The following CLDN14 variants were observed in gnomAD, a reference collection of about 807,000 sequenced individuals.
CLDN14 encodes claudin-14.
CLDN14 carries 2 observed loss-of-function variants against 2.1 expected under a neutral mutation model. That is an observed-to-expected ratio of 0.96 (90% CI 0.39 to 3.01). The LOEUF (loss-of-function observed/expected upper bound fraction) is 3.01. CLDN14 is among the 30% of genes most tolerant of loss of function. The pLI, the probability that CLDN14 is intolerant of heterozygous loss-of-function variation, is 0.09. For synonymous variants in CLDN14, 136 were observed against 154.4 expected, an observed-to-expected ratio of 0.88 and a Z score of 0.88; for missense variants, 298 against 328.0, an observed-to-expected ratio of 0.91 and a Z score of 0.71.
intron 2 of CLDN14, among the ~76,000 whole-genome samples, chr21:36,504,877 G>A (rs888598948): frequency 6.6e-6 from 1 of 152,212 alleles, no homozygotes; most frequent in African/African-American, 2.4e-5. Context: ...ACTGCTCCCA[G>A]AGATAGGAAA....
intron 1 of CLDN14, among the ~76,000 whole-genome samples, chr21:36,567,042 T>A (rs1316863907): frequency 3.3e-5 from 5 of 152,212 alleles, no homozygotes; most frequent in African/African-American, 4.8e-5. Context: ...CCAGGGCATA[T>A]CTTCATCCCA....
At chr21:36,533,525 G>T (rs2087398444) in intron 1 of CLDN14, among the ~76,000 whole-genome samples, 1 of 152,184 alleles carries the variant, frequency 6.6e-6, no homozygotes, top group African/African-American at 2.4e-5. Flanking sequence ...TTAAAATGGT[G>T]ATTACGTAGA....
intron 1 of CLDN14, among the ~76,000 whole-genome samples, chr21:36,545,219 A>G (rs1446877423): frequency 6.6e-6 from 1 of 152,214 alleles, no homozygotes. Context: ...TTTAAGAAAC[A>G]CAAATTCAAA....
intron 1 of CLDN14, among the ~76,000 whole-genome samples, chr21:36,513,813 T>C (rs1378595258): frequency 2.0e-5 from 3 of 152,130 alleles, no homozygotes; most frequent in Non-Finnish European, 4.4e-5. Context: ...CCTGGGATAA[T>C]TGATACGAGT....
chr21:36,570,979 T>C (rs1369036693), intron 1 of CLDN14, among the ~76,000 whole-genome samples: 1 of 152,192 alleles, frequency 6.6e-6, no homozygotes, highest in Non-Finnish European at 1.5e-5. Flanking sequence ...GTAGCTGGGA[T>C]TACAGGCACT....
At chr21:36,573,226 G>A (rs894622403) in intron 1 of CLDN14, among the ~76,000 whole-genome samples, 37 of 151,770 alleles carry the variant, frequency 2.4e-4, no homozygotes, top group African/African-American at 7.5e-4. Context: ...GTGTGAACCC[G>A]GGAGGCGGAG....
At chr21:36,487,423 C>A in intron 2 of CLDN14, 1 of 162,732 alleles carries the variant, frequency 6.1e-6, no homozygotes. Context: ...CTGCCACCCT[C>A]CTCCCTCCCA....
intron 2 of CLDN14, among the ~76,000 whole-genome samples, chr21:36,493,392 A>G (rs971799002): frequency 2.0e-5 from 3 of 152,150 alleles, no homozygotes; most frequent in African/African-American, 7.2e-5. Context: ...TTCTAGTAAC[A>G]TAGGTTTTTA....
rs2087062198 is a variant in CLDN14, at chr21:36,498,645, C to A, written c.-82+11718G>T. Among the ~76,000 whole-genome samples the A allele has an allele frequency of 6.6e-6, 1 of 152,194 alleles. No individual in the cohort carries two copies. The highest frequency in any genetic ancestry group is 1.5e-5 in the Non-Finnish European group (1 of 68,034). Reference sequence around the variant, plus strand: ...GTAGGACCGATGGCTAAGCTCTCTTCCCCTCCACCCTGGAAAAAATGAACA... The same window carrying A: ...GTAGGACCGATGGCTAAGCTCTCTTACCCTCCACCCTGGAAAAAATGAACA... On this transcript the variant is annotated intron_variant, in intron 2 of 2. Coordinates refer to the CLDN14 transcript ENST00000342108. This position sits in a 1 kb window ranked among gnomAD's most constrained non-coding sequence, Gnocchi z 4.9.
intron 2 of CLDN14, among the ~76,000 whole-genome samples, chr21:36,495,592 C>G (rs1050944585): frequency 3.3e-5 from 5 of 152,230 alleles, no homozygotes; most frequent in Non-Finnish European, 5.9e-5. Flanking sequence ...AATGCAGATG[C>G]TGATGTTTAC....
At chr21:36,482,802 C>A (rs2146451967), upstream of CLDN14, among the ~76,000 whole-genome samples, 1 of 152,286 alleles carries the variant, frequency 6.6e-6, no homozygotes, top group Admixed American at 6.5e-5. Context: ...CCATGAAAAC[C>A]TTGGTGCTAG....
intron 1 of CLDN14, among the ~76,000 whole-genome samples, chr21:36,574,416 A>C (rs1219115702): frequency 1.3e-5 from 2 of 152,248 alleles, no homozygotes; most frequent in East Asian, 3.8e-4. Flanking sequence ...AACACAGATG[A>C]ATCTCAAATA....
chr21:36,544,028 G>T lies in CLDN14; in HGVS notation c.-220+32383C>A. The stretch of plus-strand genomic sequence containing the variant: ...GGAAGCCTGTGTCATGGATTCAACC[G>T]TCTGTGCTGAGCCGCACCTGCACTG... On this transcript the variant is annotated intron_variant, in intron 1 of 2. Coordinates refer to the CLDN14 transcript ENST00000342108. The surrounding 1 kb of genome is among the most constrained non-coding windows in gnomAD (Gnocchi z 4.1). Among the ~76,000 whole-genome samples the T allele has an allele frequency of 6.6e-6, 1 of 152,324 alleles. No individual in the cohort carries two copies. Among genetic ancestry groups the T allele is most frequent in the African/African-American group, 2.4e-5 (1 of 41,570 alleles).
At chr21:36,496,871 A>G (rs1223132973) in intron 2 of CLDN14, among the ~76,000 whole-genome samples, 1 of 7,946 alleles carries the variant, frequency 1.3e-4, no homozygotes, top group African/African-American at 7.3e-4. Context: ...GGAAGGGAGG[A>G]AGGGAGGGAG....
intron 1 of CLDN14, among the ~76,000 whole-genome samples, chr21:36,475,294 G>A (rs1330182043): frequency 1.3e-5 from 2 of 152,220 alleles, no homozygotes; most frequent in African/African-American, 4.8e-5. Context: ...ATGGCGGGCC[G>A]TGGCGTCAAA....
intron 1 of CLDN14, among the ~76,000 whole-genome samples, chr21:36,552,411 C>A (rs544998675): frequency 2.0e-5 from 3 of 152,124 alleles, no homozygotes; most frequent in Non-Finnish European, 4.4e-5. Flanking sequence ...CCATGTTGAG[C>A]GGGCACACTT....
In CLDN14 at chr21:36,531,686, TTGTC is replaced by T. The variant is rs1219161636; in HGVS notation, c.-219-21190_-219-21187del. Among the ~76,000 whole-genome samples the T allele has an allele frequency of 6.6e-5, 10 of 151,018 alleles. No individual in the cohort carries two copies. In the Middle Eastern group the frequency reaches 0.01, roughly 155 times the overall value. ...GGAGTGTCAGAGTGGACTTCAGTCT[TTGTC>T]TGTTTTTTTTTTTTTTTTAACTAAG... is the stretch of plus-strand genomic sequence containing the variant. On this transcript the variant is annotated intron_variant, in intron 1 of 2. Transcript: ENST00000342108.
intron 1 of CLDN14, among the ~76,000 whole-genome samples, chr21:36,554,883 C>T (rs1413068728): frequency 6.6e-6 from 1 of 152,182 alleles, no homozygotes; most frequent in Non-Finnish European, 1.5e-5. Flanking sequence ...TGATGGTCTC[C>T]CCATGACCCT....
chr21:36,496,311 C>G (rs953686289), intron 2 of CLDN14, among the ~76,000 whole-genome samples: 5 of 151,758 alleles, frequency 3.3e-5, no homozygotes, highest in African/African-American at 9.7e-5. Flanking sequence ...GTGATGCACA[C>G]CTGTGGTCCG....
Sources: allele counts gnomAD v4.1 joint callset (sites outside exome capture counted in the v4.1 genomes callset), GRCh38; gene constraint gnomAD v4.1.1; non-coding constraint Gnocchi (gnomAD v3.1); transcripts MANE v1.5; gene names NCBI Gene and HGNC (gene_info 2026-07-23, HGNC 2026-07-21).